Variants in DNAH11 observed in about 807,000 individuals in gnomAD.
The protein encoded by DNAH11 is axonemal beta dynein heavy chain 11.
In DNAH11, 442 loss-of-function variants were observed where a neutral mutation model predicts 526.0. The ratio of observed to expected loss-of-function variants is 0.84; its 90% CI spans 0.78 to 0.91. The LOEUF (loss-of-function observed/expected upper bound fraction) is 0.91, where lower values mean the gene tolerates loss of function less well. Ranked by LOEUF, DNAH11 falls within the 40% of genes least tolerant of loss-of-function variation. The pLI, the probability that DNAH11 is intolerant of heterozygous loss-of-function variation, is 0.00. For missense variants in DNAH11, 6,989 were observed against 5,448.7 expected (o/e 1.28, Z -8.90); for synonymous variants, 2,461 against 1,935.9 (o/e 1.27, Z -7.12).
intron 57 of DNAH11, 78 bp downstream of exon 57, chr7:21,779,182 C>T: frequency 6.7e-7 from 1 of 1,492,730 alleles, no homozygotes; most frequent in Non-Finnish European, 9.0e-7. Context: ...CAATTTTGAA[C>T]AACTTCCTCT....
At position 21,647,359 on chromosome 7, in the gene DNAH11, G is replaced by A. The variant is rs557540166; in HGVS notation, c.4944+8294G>A. ...TTTTATACAAATGAACAAACATAAG[G>A]ATGACAACAGACTTCACATTGGAAA... On this transcript the variant is annotated intron_variant, in intron 28 of 81. Transcript: ENST00000409508. Among the ~76,000 whole-genome samples, 5 of 151,208 alleles carry A rather than the reference G, an allele frequency of 3.3e-5. No individual in the cohort carries two copies. In the East Asian group the frequency reaches 7.8e-4, roughly 23 times the overall value.
At chr7:21,691,178 C>CTT (rs559356874) in intron 35 of DNAH11, among the ~76,000 whole-genome samples, 1 of 67,212 alleles carries the variant, frequency 1.5e-5, no homozygotes, top group Non-Finnish European at 2.3e-5. Context: ...TTTTTTTTTT[C>CTT]TTTTTTTTTT....
In DNAH11 at chr7:21,801,232, A is replaced by G. The variant is rs764350537; in HGVS notation, c.10122A>G (p.Lys3374=). The G allele has an allele frequency of 2.5e-5, 40 of 1,613,802 alleles. No homozygotes were observed. The Admixed American group carries it at 5.2e-4, about 21-fold the overall frequency. The change falls in exon 62 of 82, where the codon AAA becomes AAG. Residue 3374 remains lysine, a synonymous_variant. Coordinates refer to ENST00000409508, the MANE Select transcript of DNAH11 (RefSeq NM_001277115.2). ...AAGAAGAGGTGAACCAAACCAACAA[A>G]ACCATCAAATTAGCTAACAGACTTG... ...RCQEEVNQTN[K]TIKLANRLVK... is the part of the protein sequence containing the mutation.
At chr7:21,615,017 A>G in intron 20 of DNAH11, 97 bp from the exon 21 acceptor site, 2 of 1,346,668 alleles carry the variant, frequency 1.5e-6, no homozygotes, top group South Asian at 1.5e-5. Flanking sequence ...CCCGTTAAAA[A>G]TCAAAGATTG....
chr7:21,853,410 A>C (rs1467272335), intron 67 of DNAH11, among the ~76,000 whole-genome samples: 2 of 152,254 alleles, frequency 1.3e-5, no homozygotes, highest in East Asian at 3.8e-4. Flanking sequence ...CTGTCTTTTC[A>C]AGTAAGTGAA....
intron 55 of DNAH11, among the ~76,000 whole-genome samples, chr7:21,766,762 A>G (rs974738397): frequency 6.6e-6 from 1 of 151,026 alleles, no homozygotes; most frequent in African/African-American, 2.4e-5. Flanking sequence ...AGTATTCACC[A>G]ACACCTACAG....
intron 20 of DNAH11, among the ~76,000 whole-genome samples, chr7:21,608,048 T>C (rs1243994352): frequency 2.0e-5 from 3 of 151,892 alleles, no homozygotes; most frequent in African/African-American, 7.2e-5. Context: ...AACTTTTTTT[T>C]TTTTTTTAAT....
chr7:21,840,073 AG>A (rs1204116505), intron 65 of DNAH11, among the ~76,000 whole-genome samples: 1 of 152,258 alleles, frequency 6.6e-6, no homozygotes, highest in Non-Finnish European at 1.5e-5. Flanking sequence ...CATAGACACA[AG>A]AGACCTAATC....
At chr7:21,685,388 T>G (rs932163394) in intron 32 of DNAH11, among the ~76,000 whole-genome samples, 4 of 152,222 alleles carry the variant, frequency 2.6e-5, no homozygotes, top group Non-Finnish European at 4.4e-5. Flanking sequence ...AACTTTGAAA[T>G]TAGAAGAATC....
intron 45 of DNAH11, among the ~76,000 whole-genome samples, chr7:21,734,871 A>G (rs1463349203): frequency 1.3e-5 from 2 of 151,226 alleles, no homozygotes; most frequent in African/African-American, 4.9e-5. Context: ...AAAAATAGTC[A>G]TTCAAAAAAC....
chr7:21,633,850 A>T (rs192564046), intron 25 of DNAH11, among the ~76,000 whole-genome samples: 1 of 152,316 alleles, frequency 6.6e-6, no homozygotes, highest in Admixed American at 6.5e-5. Flanking sequence ...AAGGGTATTT[A>T]GGCAATGAGG....
At position 21,854,430 on chromosome 7, in the gene DNAH11, A is replaced by G; in HGVS notation, c.11177A>G (p.Asn3726Ser). Residue 3726 changes from asparagine (N) to serine (S), a missense_variant, in exon 68 of 82, where the codon AAC (asparagine) becomes AGC (serine). Asn to Ser is a conservative substitution (Grantham distance 46). Transcript: ENST00000409508. ...YFVINDLQKI[N>S]PLYQFSLKAF... Reference sequence around the variant, plus strand: ...GTTATTAATGACCTCCAAAAAATCAACCCCCTCTACCAATTCTCTTTGAAG... The same window carrying G: ...GTTATTAATGACCTCCAAAAAATCAGCCCCCTCTACCAATTCTCTTTGAAG... The G allele has an allele frequency of 6.2e-7, 1 of 1,613,778 alleles. No homozygotes were observed. The highest frequency in any genetic ancestry group is 8.5e-7 in the Non-Finnish European group (1 of 1,179,826).
intron 9 of DNAH11, among the ~76,000 whole-genome samples, chr7:21,585,862 C>CAGAT (rs1362928123): frequency 7.2e-5 from 11 of 152,094 alleles, no homozygotes; most frequent in Non-Finnish European, 1.6e-4. Flanking sequence ...TTGCAGATCT[C>CAGAT]AGATGTGATA....
At chr7:21,851,980 T>C (rs1357419661) in intron 66 of DNAH11, among the ~76,000 whole-genome samples, 1 of 152,204 alleles carries the variant, frequency 6.6e-6, no homozygotes, top group African/African-American at 2.4e-5. Context: ...GGAGTGCAAC[T>C]AGATCTTAAC....
intron 76 of DNAH11, among the ~76,000 whole-genome samples, chr7:21,889,525 C>T (rs1014172209): frequency 6.6e-6 from 1 of 152,192 alleles, no homozygotes; most frequent in Non-Finnish European, 1.5e-5. Context: ...CAATGTATGA[C>T]AGTTCTGTTT....
rs749293123 is a variant in DNAH11, at chr7:21,787,577, C to T, written c.9918C>T (p.Phe3306=). The change falls in exon 60 of 82, where the codon TTC becomes TTT. Residue 3306 remains phenylalanine, a synonymous_variant. Coordinates refer to ENST00000409508, the MANE Select transcript of DNAH11 (RefSeq NM_001277115.2). ...LCAWVINIIK[F]YEVYCDVEPK... ...CCTGGGTCATCAACATCATTAAATT[C>T]TATGAGGTATCAATCCTAAATTGAT... 3.7e-6 allele frequency: 6 copies of T among 1,608,552 alleles called. No homozygotes were observed. Among genetic ancestry groups the T allele is most frequent in the Non-Finnish European group, 5.1e-6 (6 of 1,177,472 alleles).
At chr7:21,600,286 C>T (rs190651340) in intron 15 of DNAH11, among the ~76,000 whole-genome samples, 167 bp downstream of exon 15, 8 of 151,824 alleles carry the variant, frequency 5.3e-5, no homozygotes, top group East Asian at 3.9e-4. Flanking sequence ...ATAGCAAGAC[C>T]GTCTCTTAAA....
At chr7:21,594,242 G>C (rs1784792340) in intron 14 of DNAH11, among the ~76,000 whole-genome samples, 1 of 152,148 alleles carries the variant, frequency 6.6e-6, no homozygotes, top group African/African-American at 2.4e-5. Context: ...ATTCTCAGCA[G>C]AACAAGAAAT....
At chr7:21,561,228 C>T in intron 5 of DNAH11, 58 bp downstream of exon 5, 1 of 1,284,460 alleles carries the variant, frequency 7.8e-7, no homozygotes, top group Non-Finnish European at 1.1e-6. Flanking sequence ...TGATCCAGCC[C>T]CTGCCTGCTC....
Sources: allele counts gnomAD v4.1 joint callset (sites outside exome capture counted in the v4.1 genomes callset), GRCh38; gene constraint gnomAD v4.1.1; transcripts MANE v1.5; gene names NCBI Gene and HGNC (gene_info 2026-07-23, HGNC 2026-07-21).